GRIP1: variants seen among roughly 807,000 people sequenced by gnomAD.
GRIP1 encodes glutamate receptor interacting protein 1, also known as glutamate receptor-interacting protein 1.
In GRIP1, 45 loss-of-function variants were observed where a neutral mutation model predicts 129.9. The observed-to-expected ratio is 0.35, with a 90% CI of 0.27 to 0.44. The LOEUF (loss-of-function observed/expected upper bound fraction) is 0.44. Ranked by LOEUF, GRIP1 falls within the 20% of genes least tolerant of loss-of-function variation. The probability of loss-of-function intolerance (pLI) is 1.00; values close to 1 mark genes in which losing one functional copy is unlikely to be tolerated. For missense variants in GRIP1, 1,196 were observed against 1,396.8 expected, an observed-to-expected ratio of 0.86 and a Z score of 2.29; for synonymous variants, 530 against 520.8, an observed-to-expected ratio of 1.02 and a Z score of -0.24.
intron 1 of GRIP1, among the ~76,000 whole-genome samples, chr12:66,968,308 T>A (rs1274629567): frequency 6.6e-6 from 1 of 152,154 alleles, no homozygotes. Flanking sequence ...TAATTCTCCA[T>A]CCCTTTACTC....
intron 1 of GRIP1, among the ~76,000 whole-genome samples, chr12:66,818,829 C>T (rs1337980494): frequency 2.0e-5 from 3 of 152,034 alleles, no homozygotes; most frequent in African/African-American, 7.2e-5. Flanking sequence ...ATAACATGGA[C>T]CCCCAGGGGT....
intron 1 of GRIP1, among the ~76,000 whole-genome samples, chr12:66,663,704 T>G (rs778963444): frequency 6.6e-6 from 1 of 152,146 alleles, no homozygotes; most frequent in Admixed American, 6.5e-5. Context: ...TGTAACAAAG[T>G]GAAAACTTTG....
chr12:66,438,956 C>G (rs2058394003), intron 13 of GRIP1, among the ~76,000 whole-genome samples: 1 of 152,124 alleles, frequency 6.6e-6, no homozygotes, highest in Admixed American at 6.5e-5. Context: ...AATATAAGGT[C>G]AGAGTGTGAG....
chr12:67,032,368 T>C (rs1222182509), intron 1 of GRIP1, among the ~76,000 whole-genome samples: 1 of 152,230 alleles, frequency 6.6e-6, no homozygotes, highest in Non-Finnish European at 1.5e-5. Context: ...ATTGCCTTTA[T>C]GCTTCTTCCC....
intron 1 of GRIP1, among the ~76,000 whole-genome samples, chr12:66,716,302 T>C (rs2035885206): frequency 6.6e-6 from 1 of 151,972 alleles, no homozygotes; most frequent in Non-Finnish European, 1.5e-5. Context: ...AGAGATTCAA[T>C]TGTTTTGATG....
At chr12:66,709,571 T>G (rs571736253) in intron 1 of GRIP1, among the ~76,000 whole-genome samples, 1 of 151,894 alleles carries the variant, frequency 6.6e-6, no homozygotes, top group Non-Finnish European at 1.5e-5. Context: ...GAGTTGTTCC[T>G]AGGGTTGGGC....
rs930607125 is a variant in GRIP1 at position 66,349,172 on chromosome 12, C to A, written c.3234G>T (p.Leu1078=). 6.2e-7 allele frequency: 1 copy of A among 1,613,916 alleles called. No individual in the cohort carries two copies. The highest frequency in any genetic ancestry group is 1.3e-5 in the African/African-American group (1 of 74,894). Residue 1078 remains leucine (L), a synonymous_variant, in exon 25 of 25, where the codon CTG becomes CTT. Transcript: ENST00000359742. The part of the protein sequence containing the change: ...VPLIAESGNK[L]DLVISRNPLA... Reference sequence around the variant, plus strand: ...GTGGGTTTCTACTAATAACCAGGTCCAGCTTATTCCCGGATTCTGCTATGA... The same window carrying A: ...GTGGGTTTCTACTAATAACCAGGTCAAGCTTATTCCCGGATTCTGCTATGA...
At chr12:66,491,484 G>C (rs765602127) in intron 7 of GRIP1, among the ~76,000 whole-genome samples, 2 of 152,172 alleles carry the variant, frequency 1.3e-5, no homozygotes, top group Non-Finnish European at 2.9e-5. Context: ...TTGGGGGAAA[G>C]GGAGAGCATC....
At chr12:67,065,474 G>A (rs572773881) in intron 1 of GRIP1, among the ~76,000 whole-genome samples, 2 of 152,298 alleles carry the variant, frequency 1.3e-5, no homozygotes, top group East Asian at 1.9e-4. Flanking sequence ...CCTGGTGAAT[G>A]TATATGCTAA....
chr12:66,772,784 CT>C (rs1273259158), intron 1 of GRIP1, among the ~76,000 whole-genome samples: 1 of 152,112 alleles, frequency 6.6e-6, no homozygotes, highest in Non-Finnish European at 1.5e-5. Context: ...CTCTGAGGCC[CT>C]TGTGACAAAG....
intron 1 of GRIP1, among the ~76,000 whole-genome samples, chr12:66,760,629 T>A (rs956473753): frequency 2.0e-5 from 3 of 152,104 alleles, no homozygotes; most frequent in Non-Finnish European, 4.4e-5. Flanking sequence ...TCCCACAAAG[T>A]GTGGGAATTC....
chr12:66,794,689 T>C (rs2038645517), intron 1 of GRIP1, among the ~76,000 whole-genome samples: 1 of 152,204 alleles, frequency 6.6e-6, no homozygotes, highest in African/African-American at 2.4e-5. Flanking sequence ...GTTAGAGATA[T>C]TAAATTTATG....
At chr12:66,448,753 G>A (rs1243141565) in intron 11 of GRIP1, among the ~76,000 whole-genome samples, 1 of 152,128 alleles carries the variant, frequency 6.6e-6, no homozygotes, top group African/African-American at 2.4e-5. Context: ...GTACAATACT[G>A]GATAGACTTC....
chr12:66,690,362 CAAT>C (rs1168604199), intron 1 of GRIP1, among the ~76,000 whole-genome samples: 1 of 143,548 alleles, frequency 7.0e-6, no homozygotes, highest in African/African-American at 2.7e-5. Context: ...TTTCATTGCT[CAAT>C]AATATTACAC....
chr12:66,372,373 C>T (rs908333410), intron 22 of GRIP1: 6 of 259,878 alleles, frequency 2.3e-5, no homozygotes, highest in African/African-American at 1.1e-4. Flanking sequence ...CTGCCTCTAT[C>T]TCCAACTGCA....
chr12:66,363,200 C>CATATATATATATATAT (rs35452357), intron 23 of GRIP1, among the ~76,000 whole-genome samples: 8 of 88,272 alleles, frequency 9.1e-5, no homozygotes, highest in Admixed American at 1.2e-4. Flanking sequence ...TGTGTGTGTC[C>CATATATATATATATAT]ATATATATAT....
At chr12:66,841,657 A>G (rs542143894) in intron 1 of GRIP1, among the ~76,000 whole-genome samples, 41 of 152,252 alleles carry the variant, frequency 2.7e-4, no homozygotes, top group African/African-American at 8.9e-4. Context: ...CTCAAGTCTC[A>G]AGTGGGGTTT....
chr12:66,513,660 T>C (rs1394468274), intron 7 of GRIP1, among the ~76,000 whole-genome samples: 1 of 152,174 alleles, frequency 6.6e-6, no homozygotes, highest in Non-Finnish European at 1.5e-5. Flanking sequence ...TGATTTTTTG[T>C]ATAATGATCT....
chr12:67,057,631 A>G (rs1164710492), intron 1 of GRIP1, among the ~76,000 whole-genome samples: 1 of 152,132 alleles, frequency 6.6e-6, no homozygotes, highest in African/African-American at 2.4e-5. Flanking sequence ...ACTGTGAGCA[A>G]TAACAACAAC....
Sources: allele counts gnomAD v4.1 joint callset (sites outside exome capture counted in the v4.1 genomes callset), GRCh38; gene constraint gnomAD v4.1.1; transcripts MANE v1.5; gene names NCBI Gene and HGNC (gene_info 2026-07-23, HGNC 2026-07-21).